PTPRN2: variants seen among roughly 807,000 people sequenced by gnomAD.
PTPRN2 encodes receptor-type tyrosine-protein phosphatase N2.
In PTPRN2, 74 loss-of-function variants were observed where a neutral mutation model predicts 118.8. The observed-to-expected ratio is 0.62, with a 90% CI of 0.52 to 0.76. PTPRN2 has a LOEUF of 0.76. Ranked by LOEUF, PTPRN2 falls within the 30% of genes least tolerant of loss-of-function variation. The pLI is 0.00. For synonymous variants in PTPRN2, 641 were observed against 608.0 expected (o/e 1.05, Z -0.80); for missense variants, 1,481 against 1,394.4 (o/e 1.06, Z -0.99).
intron 1 of PTPRN2, among the ~76,000 whole-genome samples, chr7:158,584,195 T>C (rs1828795270): frequency 6.6e-6 from 1 of 152,142 alleles, no homozygotes; most frequent in African/African-American, 2.4e-5. Flanking sequence ...CAAGTGAAAG[T>C]TGTGCTTCTT....
rs574033569 is a variant in PTPRN2, at chr7:157,780,526, C to T, written c.1789-97589G>A. ...ACAGGCAGCTCGACATGGTGCAGAC[C>T]GTGGCAGCCAAGTCAGGCATACAGC... On this transcript the variant is annotated intron_variant, in intron 12 of 22. Coordinates refer to ENST00000389418, the MANE Select transcript of PTPRN2 (RefSeq NM_002847.5). The surrounding 1 kb of genome is among the most constrained non-coding windows in gnomAD (Gnocchi z 4.5). 2.0e-5 allele frequency among the ~76,000 whole-genome samples: 3 copies of T among 152,148 alleles called. No homozygotes were observed. The highest frequency in any genetic ancestry group is 2.1e-4 in the South Asian group (1 of 4,836).
At chr7:158,164,922 G>GGC (rs1319626569) in intron 6 of PTPRN2, among the ~76,000 whole-genome samples, 3 of 152,136 alleles carry the variant, frequency 2.0e-5, no homozygotes, top group Admixed American at 6.5e-5. Flanking sequence ...GCCACACTGA[G>GGC]CTGGAGGAGA....
chr7:158,490,099 GGGCCTCCCCTTGA>G (rs1340499118), intron 1 of PTPRN2, among the ~76,000 whole-genome samples: 6 of 152,198 alleles, frequency 3.9e-5, no homozygotes, highest in South Asian at 4.1e-4. Context: ...AGCGGGGCCG[GGGCCTCCCCTTGA>G]GGCCTCCCCT....
chr7:158,471,466 G>A (rs1254180311), intron 2 of PTPRN2, among the ~76,000 whole-genome samples: 1 of 152,194 alleles, frequency 6.6e-6, no homozygotes, highest in Non-Finnish European at 1.5e-5. Context: ...GACGCGGGTG[G>A]ATCACAAGGT....
chr7:158,461,157 T>C (rs1818953068), intron 2 of PTPRN2, among the ~76,000 whole-genome samples: 1 of 152,170 alleles, frequency 6.6e-6, no homozygotes, highest in African/African-American at 2.4e-5. Context: ...AATTTCCAAA[T>C]TCCCAGTCTT....
At chr7:158,030,938 C>T (rs1807645337) in intron 11 of PTPRN2, 1 of 152,232 alleles carries the variant, frequency 6.6e-6, no homozygotes, top group East Asian at 1.9e-4. Context: ...TCCTCAGGGC[C>T]CTCGTTTTCT....
intron 1 of PTPRN2, among the ~76,000 whole-genome samples, chr7:158,510,781 C>T (rs1044063466): frequency 6.6e-6 from 1 of 152,168 alleles, no homozygotes; most frequent in East Asian, 1.9e-4. Context: ...AAGAATAAGC[C>T]GACAGGTCGG....
At chr7:157,971,676 T>TA (rs550891623) in intron 11 of PTPRN2, among the ~76,000 whole-genome samples, 101 of 136,222 alleles carry the variant, frequency 7.4e-4, no homozygotes, top group African/African-American at 2.2e-3. Flanking sequence ...CCCAAGCCAA[T>TA]AAAAAAAAAA....
At chr7:157,924,107 G>A (rs914349805) in intron 11 of PTPRN2, among the ~76,000 whole-genome samples, 5 of 152,256 alleles carry the variant, frequency 3.3e-5, no homozygotes, top group Admixed American at 6.5e-5. Flanking sequence ...GAGGGGGCCC[G>A]GTCCTGAGTG....
At chr7:158,344,133 G>A (rs532745558) in intron 2 of PTPRN2, among the ~76,000 whole-genome samples, 3 of 151,986 alleles carry the variant, frequency 2.0e-5, no homozygotes, top group Non-Finnish European at 4.4e-5. Context: ...CCAGCACCTG[G>A]GCCCTTAGAA....
intron 11 of PTPRN2, among the ~76,000 whole-genome samples, chr7:158,072,563 G>A (rs1450731653): frequency 1.3e-5 from 2 of 152,106 alleles, no homozygotes; most frequent in Non-Finnish European, 2.9e-5. Context: ...CAAGTGCTCA[G>A]GGACCCCTCC....
At chr7:158,287,449 C>T (rs761744285) in intron 3 of PTPRN2, among the ~76,000 whole-genome samples, 42 of 152,148 alleles carry the variant, frequency 2.8e-4, no homozygotes, top group Non-Finnish European at 4.7e-4. Flanking sequence ...CTGATGTAGG[C>T]ATTTATCACT....
intron 2 of PTPRN2, among the ~76,000 whole-genome samples, chr7:158,473,123 G>A (rs1425249414): frequency 3.3e-5 from 5 of 152,114 alleles, no homozygotes; most frequent in African/African-American, 4.8e-5. Flanking sequence ...GTATGGCCAC[G>A]CACAGACATT....
At chr7:157,805,331 A>AT (rs1186434619) in intron 12 of PTPRN2, among the ~76,000 whole-genome samples, 1 of 151,692 alleles carries the variant, frequency 6.6e-6, no homozygotes, top group African/African-American at 2.4e-5. Context: ...GTGCAAATAC[A>AT]TCATCAACTG....
intron 11 of PTPRN2, among the ~76,000 whole-genome samples, chr7:158,043,974 AG>A (rs1563356022): frequency 6.6e-6 from 1 of 152,244 alleles, no homozygotes; most frequent in Admixed American, 6.5e-5. Context: ...TGGCAGAGGG[AG>A]CAAAGCATAA....
At chr7:158,189,034 C>T (rs190375636) in intron 5 of PTPRN2, among the ~76,000 whole-genome samples, 380 of 152,276 alleles carry the variant, frequency 2.5e-3, no homozygotes, top group African/African-American at 8.5e-3. Flanking sequence ...AACTTGCTTT[C>T]CCCAGGGGCT....
chr7:158,407,087 G>T (rs774198875), intron 2 of PTPRN2, among the ~76,000 whole-genome samples: 2 of 152,158 alleles, frequency 1.3e-5, no homozygotes, highest in African/African-American at 2.4e-5. Context: ...AGGAGGTCGG[G>T]CTGCAGACAA....
At chr7:158,463,818 A>T (rs1157563730) in intron 2 of PTPRN2, among the ~76,000 whole-genome samples, 2 of 147,058 alleles carry the variant, frequency 1.4e-5, no homozygotes, top group African/African-American at 5.1e-5. Context: ...ATCCTTCATC[A>T]TCACCATCAT....
intron 9 of PTPRN2, 79 bp from the exon 10 acceptor site, chr7:158,110,994 G>GAGCCAGCAGT (rs1816210969): frequency 8.0e-7 from 1 of 1,257,392 alleles, no homozygotes; most frequent in African/African-American, 1.5e-5. Flanking sequence ...TGGCCCCACA[G>GAGCCAGCAGT]CCCCGCTCCC....
Sources: gnomAD v4.1 joint callset for allele counts (sites outside exome capture counted in the v4.1 genomes callset) on GRCh38, gnomAD v4.1.1 for gene constraint, Gnocchi (gnomAD v3.1) non-coding constraint, MANE v1.5 for transcripts, NCBI Gene and HGNC (gene_info 2026-07-23, HGNC 2026-07-21) for gene names.